FNDC3A: variants seen among roughly 807,000 people sequenced by gnomAD.
FNDC3A encodes the protein fibronectin type III domain containing 3A, also known as fibronectin type-III domain-containing protein 3A.
Under a neutral mutation model 148.9 loss-of-function variants are expected in FNDC3A, and 32 were observed. The observed-to-expected ratio is 0.21, with a 90% CI of 0.16 to 0.29. The LOEUF is 0.29. FNDC3A is among the 10% of genes least tolerant of loss of function. The probability of loss-of-function intolerance (pLI) is 1.00; values close to 1 mark genes in which losing one functional copy is unlikely to be tolerated. For missense variants in FNDC3A, 1,191 were observed against 1,452.8 expected, an observed-to-expected ratio of 0.82 and a Z score of 2.93; for synonymous variants, 472 against 473.6, an observed-to-expected ratio of 1.00 and a Z score of 0.04.
intron 3 of FNDC3A, among the ~76,000 whole-genome samples, chr13:49,079,452 G>C (rs1878333178): frequency 6.6e-6 from 1 of 152,176 alleles, no homozygotes; most frequent in Admixed American, 6.5e-5. Context: ...ATTATTCCAG[G>C]AGAAAATGAC....
chr13:49,042,871 G>T (rs991506555), intron 2 of FNDC3A, among the ~76,000 whole-genome samples: 2 of 152,080 alleles, frequency 1.3e-5, no homozygotes, highest in African/African-American at 4.8e-5. Context: ...GAATGTTTTG[G>T]TTACAGTTCG....
chr13:49,101,383 C>T (rs976294909), intron 3 of FNDC3A, among the ~76,000 whole-genome samples: 5 of 152,086 alleles, frequency 3.3e-5, no homozygotes, highest in African/African-American at 1.2e-4. Context: ...GAATCAGAGT[C>T]AGGGTCAGAG....
At chr13:49,202,848 A>C (rs1296842515) in intron 24 of FNDC3A, among the ~76,000 whole-genome samples, 2 of 152,248 alleles carry the variant, frequency 1.3e-5, no homozygotes, top group East Asian at 3.9e-4. Context: ...CTACAAAAGA[A>C]ATTTTGAATC....
intron 2 of FNDC3A, among the ~76,000 whole-genome samples, chr13:49,029,049 C>G (rs140833147): frequency 6.6e-6 from 1 of 152,178 alleles, no homozygotes; most frequent in Non-Finnish European, 1.5e-5. Context: ...TCATGGCCCA[C>G]TGCAGCCTTT....
At chr13:49,027,171 A>G (rs1346099063) in intron 2 of FNDC3A, among the ~76,000 whole-genome samples, 1 of 152,194 alleles carries the variant, frequency 6.6e-6, no homozygotes, top group Non-Finnish European at 1.5e-5. Flanking sequence ...CAGATTTGAG[A>G]CTAGACTCAA....
At chr13:49,201,697 C>G in intron 23 of FNDC3A, 103 bp from the exon 24 acceptor site, 2 of 518,398 alleles carry the variant, frequency 3.9e-6, no homozygotes, top group Non-Finnish European at 6.4e-6. Context: ...CTTATCACTC[C>G]TAAATAATGT....
At chr13:48,978,336 C>T (rs1032524573) in intron 1 of FNDC3A, among the ~76,000 whole-genome samples, 1 of 152,164 alleles carries the variant, frequency 6.6e-6, no homozygotes, top group African/African-American at 2.4e-5. Context: ...TTCATATTCT[C>T]ATTGTCTTTT....
chr13:49,134,801 CTTTTTTTT>C (rs528015993), intron 5 of FNDC3A, among the ~76,000 whole-genome samples: 1 of 6,178 alleles, frequency 1.6e-4, no homozygotes, highest in Non-Finnish European at 2.6e-4. Flanking sequence ...TTTTCTTTTC[CTTTTTTTT>C]TTTTTTTTTT....
At chr13:49,057,175 C>G (rs968094091) in intron 2 of FNDC3A, among the ~76,000 whole-genome samples, 2 of 152,172 alleles carry the variant, frequency 1.3e-5, no homozygotes, top group African/African-American at 2.4e-5. Context: ...TCCCCAGATT[C>G]ATTTGAAGGT....
chr13:49,037,901 A>G (rs1874620530), intron 2 of FNDC3A, among the ~76,000 whole-genome samples: 1 of 152,236 alleles, frequency 6.6e-6, no homozygotes, highest in African/African-American at 2.4e-5. Flanking sequence ...TTTGCCGTCC[A>G]CAGATGGCTT....
intron 3 of FNDC3A, among the ~76,000 whole-genome samples, chr13:49,097,199 G>A (rs1248022481): frequency 9.9e-5 from 15 of 151,994 alleles, no homozygotes; most frequent in Admixed American, 9.8e-4. Flanking sequence ...AGCTCAGTGT[G>A]GAGGGTGAGA....
intron 2 of FNDC3A, among the ~76,000 whole-genome samples, chr13:49,064,410 C>CA (rs1177111313): frequency 4.6e-3 from 359 of 78,402 alleles, no homozygotes; most frequent in Non-Finnish European, 9.0e-3. Context: ...CGCCCCCCCC[C>CA]CAAAAAAAAA....
chr13:49,034,038 A>G (rs1874320389), intron 2 of FNDC3A, among the ~76,000 whole-genome samples: 1 of 152,030 alleles, frequency 6.6e-6, no homozygotes, highest in Non-Finnish European at 1.5e-5. Flanking sequence ...TTAGCTTATA[A>G]CTTATATTTA....
At chr13:49,202,592 CCTATCATTTGTTAAA>C (rs1246543496) in intron 24 of FNDC3A, among the ~76,000 whole-genome samples, 1 of 152,134 alleles carries the variant, frequency 6.6e-6, no homozygotes, top group Non-Finnish European at 1.5e-5. Flanking sequence ...TGTACTTAAA[CCTATCATTTGTTAAA>C]CAGCAGAACT....
chr13:49,065,795 G>A (rs1270866486), intron 2 of FNDC3A, among the ~76,000 whole-genome samples: 1 of 152,074 alleles, frequency 6.6e-6, no homozygotes, highest in Admixed American at 6.6e-5. Flanking sequence ...TTCCATGACT[G>A]TATCCCAGTT....
Position 49,145,733 on chromosome 13 carries a change from C to T in FNDC3A, c.820-45C>T, listed in dbSNP as rs769204993. The stretch of plus-strand genomic sequence containing the variant: ...TAGATATTTCACTGCTCATTGTATA[C>T]ATTACAGTTGTTTTAAAGAACTTTT... On this transcript the variant is annotated intron_variant, in intron 7 of 25. Coordinates refer to ENST00000492622, the MANE Select transcript of FNDC3A (RefSeq NM_001079673.2). 2.7e-6 allele frequency: 4 copies of T among 1,506,984 alleles called. No homozygotes were observed. The East Asian group carries it at 6.8e-5, about 26-fold the overall frequency. The allele number at this position is 1,506,984 out of a possible 1,614,324, so 93.4% of individuals were successfully genotyped here. A position where few individuals can be genotyped will look rare whatever the true frequency, so the allele number is the denominator to read the frequency against.
chr13:49,167,029 C>T (rs750364355), intron 8 of FNDC3A, among the ~76,000 whole-genome samples: 2 of 152,166 alleles, frequency 1.3e-5, no homozygotes, highest in Admixed American at 6.5e-5. Flanking sequence ...ATTTGCTTAG[C>T]ACTACCTTCT....
At position 49,188,671 on chromosome 13, in the gene FNDC3A, A is replaced by G. The variant is rs188455449; in HGVS notation, c.1944+38A>G. The G allele has an allele frequency of 3.2e-5, 45 of 1,405,772 alleles. No individual in the cohort carries two copies. In the East Asian group the frequency reaches 9.2e-4, roughly 29 times the overall value. 87.1% of individuals were successfully genotyped at this position (1,405,772 alleles called of 1,614,324 possible). On this transcript the variant is annotated intron_variant, in intron 17 of 25. Transcript: ENST00000492622. ...TGTAGATTCTTTTGTGTTGTTATTAAGTTTGGCCAAATGGGGTAGGATCAC... is the reference window on the plus strand; with the variant it reads ...TGTAGATTCTTTTGTGTTGTTATTAGGTTTGGCCAAATGGGGTAGGATCAC...
intron 4 of FNDC3A, among the ~76,000 whole-genome samples, chr13:49,122,269 A>G (rs1881400748): frequency 6.6e-6 from 1 of 152,160 alleles, no homozygotes; most frequent in African/African-American, 2.4e-5. Flanking sequence ...ATCTCAATAG[A>G]CACAGAAAAG....
Sources: allele counts gnomAD v4.1 joint callset (sites outside exome capture counted in the v4.1 genomes callset), GRCh38; gene constraint gnomAD v4.1.1; transcripts MANE v1.5; gene names NCBI Gene and HGNC (gene_info 2026-07-23, HGNC 2026-07-21).